Variants in GOLGA1 observed in about 807,000 individuals in gnomAD.
GOLGA1 encodes the protein golgin subfamily A member 1.
Under a neutral mutation model 119.7 loss-of-function variants are expected in GOLGA1, and 63 were observed. The observed-to-expected ratio is 0.53, with a 90% CI of 0.43 to 0.65. GOLGA1 has a LOEUF of 0.65. Ranked by LOEUF, GOLGA1 falls within the 30% of genes least tolerant of loss-of-function variation. The pLI is 0.00. For synonymous variants in GOLGA1, 318 were observed against 333.4 expected, an observed-to-expected ratio of 0.95 and a Z score of 0.50; for missense variants, 798 against 912.8, an observed-to-expected ratio of 0.87 and a Z score of 1.62.
Position 124,881,222 on chromosome 9 carries a change from C to T in GOLGA1, c.2172G>A (p.Leu724=), listed in dbSNP as rs149079881. The change falls in exon 22 of 23, where the codon CTG becomes CTA. Residue 724 remains leucine (L), a synonymous_variant. Coordinates refer to ENST00000373555, the MANE Select transcript of GOLGA1 (RefSeq NM_002077.4). The surrounding 1 kb of genome is among the most constrained non-coding windows in gnomAD (Gnocchi z 4.9). The part of the protein sequence containing the change: ...FHLIKAVSVL[L]NFSQEEENML... Reference sequence around the variant, plus strand: ...TGTTCTCCTCCTCTTGGGAAAAGTTCAGCAACACTGACACAGCTTTTATAA... The same window carrying T: ...TGTTCTCCTCCTCTTGGGAAAAGTTTAGCAACACTGACACAGCTTTTATAA... The T allele has an allele frequency of 1.2e-6, 2 of 1,605,560 alleles. No homozygotes were observed. Among genetic ancestry groups the T allele is most frequent in the South Asian group, 1.1e-5 (1 of 90,920 alleles).
At chr9:124,890,862 G>GAAGAAGTAAT (rs949803862) in intron 15 of GOLGA1, among the ~76,000 whole-genome samples, 12 of 152,142 alleles carry the variant, frequency 7.9e-5, no homozygotes, top group Admixed American at 5.2e-4. Flanking sequence ...ATGGAAAGAA[G>GAAGAAGTAAT]AAGAAGTAAT....
chr9:124,886,815 G>C (rs1001491033), intron 19 of GOLGA1, among the ~76,000 whole-genome samples: 5 of 152,092 alleles, frequency 3.3e-5, no homozygotes, highest in Non-Finnish European at 7.4e-5. Flanking sequence ...GGGTGGGTGA[G>C]GCAGGGTTGA....
At chr9:124,927,854 G>T (rs1830702838) in intron 6 of GOLGA1, among the ~76,000 whole-genome samples, 1 of 152,114 alleles carries the variant, frequency 6.6e-6, no homozygotes, top group South Asian at 2.1e-4. Context: ...AATGTTTGGG[G>T]GTTAGACTTT....
intron 22 of GOLGA1, 116 bp from the exon 23 acceptor site, chr9:124,880,726 T>A (rs555505188): frequency 2.9e-6 from 2 of 699,640 alleles, no homozygotes; most frequent in East Asian, 5.5e-5. Flanking sequence ...ACATCCTGCC[T>A]CTGGCTCTGA....
chr9:124,883,128 C>T (rs1312947179), intron 19 of GOLGA1, among the ~76,000 whole-genome samples: 1 of 151,072 alleles, frequency 6.6e-6, no homozygotes, highest in Non-Finnish European at 1.5e-5. Flanking sequence ...GAGATGGAGT[C>T]TCACTCTGTT....
chr9:124,900,321 A>T (rs1234499672), intron 13 of GOLGA1, 131 bp downstream of exon 13: 1 of 575,238 alleles, frequency 1.7e-6, no homozygotes, highest in East Asian at 3.1e-5. Context: ...GCTCACATCC[A>T]GCACAAGAAC....
chr9:124,934,553 A>C (rs920793551), intron 3 of GOLGA1, among the ~76,000 whole-genome samples: 5 of 152,234 alleles, frequency 3.3e-5, no homozygotes, highest in Admixed American at 1.3e-4. Flanking sequence ...TAGAAAGTGC[A>C]ATAAATTCAG....
rs375638415 is a variant in GOLGA1, at chr9:124,922,859, AAAAAC to A, written c.561+231_561+235del. 1.4e-3 allele frequency among the ~76,000 whole-genome samples: 216 copies of A among 152,222 alleles called. 1 individual carries two copies. The highest frequency in any genetic ancestry group is 4.6e-3 in the East Asian group (24 of 5,188). On this transcript the variant is annotated intron_variant, in intron 8 of 22. Transcript: ENST00000373555. ...AAGAGAATTTATATACCCAGTAGTTAAAAACAAAACAAAACAAAACAAAACAAAAC... is the reference window on the plus strand; with the variant it reads ...AAGAGAATTTATATACCCAGTAGTTAAAAACAAAACAAAACAAAACAAAAC...
rs1484202599 is a variant in GOLGA1, at chr9:124,878,390, A to G, written c.*2140T>C. The G allele has an allele frequency of 6.6e-6, 1 of 152,622 alleles. No homozygotes were observed. Among genetic ancestry groups the G allele is most frequent in the Non-Finnish European group, 1.5e-5 (1 of 68,046 alleles). The allele number at this position is 152,622 out of a possible 1,614,324, so 9.5% of individuals were successfully genotyped here. ...AGTTGCATCTGGATTGAAGAGCTTT[A>G]ATCAAAAAGTGTATTGCACCACAGA... On this transcript the variant is annotated 3_prime_UTR_variant, in exon 23 of 23. Coordinates refer to ENST00000373555, the MANE Select transcript of GOLGA1 (RefSeq NM_002077.4).
At chr9:124,943,765 T>TG (rs1238656289), upstream of GOLGA1, 1 of 152,208 alleles carries the variant, frequency 6.6e-6, no homozygotes, top group Non-Finnish European at 1.5e-5. Context: ...TTTGATTATC[T>TG]TAACCTTTAG....
chr9:124,914,137 T>C (rs1830391758), intron 10 of GOLGA1, among the ~76,000 whole-genome samples: 1 of 152,178 alleles, frequency 6.6e-6, no homozygotes, highest in African/African-American at 2.4e-5. Flanking sequence ...ATGTTAATAC[T>C]AGCAATAGTT....
At chr9:124,886,556 G>C (rs1829724563) in intron 19 of GOLGA1, among the ~76,000 whole-genome samples, 1 of 152,160 alleles carries the variant, frequency 6.6e-6, no homozygotes, top group South Asian at 2.1e-4. Context: ...GCAGATATAG[G>C]AAGTTTTAAC....
chr9:124,917,862 T>A (rs974698381), intron 10 of GOLGA1, among the ~76,000 whole-genome samples: 13 of 151,086 alleles, frequency 8.6e-5, no homozygotes, highest in Admixed American at 4.6e-4. Flanking sequence ...TATATATATT[T>A]TTTTTTTGAG....
At chr9:124,935,350 AGTTGT>A (rs1233064693) in intron 3 of GOLGA1, among the ~76,000 whole-genome samples, 1 of 152,240 alleles carries the variant, frequency 6.6e-6, no homozygotes, top group Non-Finnish European at 1.5e-5. Flanking sequence ...CATTAAACAA[AGTTGT>A]GTTAAGTATT....
chr9:124,881,214 G>T lies in GOLGA1; in HGVS notation c.2180C>A (p.Ser727Tyr). Reference sequence around the variant, plus strand: ...CTTGAGCATGTTCTCCTCCTCTTGGGAAAAGTTCAGCAACACTGACACAGC... The same window carrying T: ...CTTGAGCATGTTCTCCTCCTCTTGGTAAAAGTTCAGCAACACTGACACAGC... ...IKAVSVLLNF[S>Y]QEEENMLKET... Residue 727 changes from serine to tyrosine, a missense_variant, in exon 22 of 23, where the codon TCC (serine) becomes TAC (tyrosine). Ser to Tyr is a moderately radical substitution (Grantham distance 144). Coordinates refer to ENST00000373555, the MANE Select transcript of GOLGA1 (RefSeq NM_002077.4). The surrounding 1 kb of genome is among the most constrained non-coding windows in gnomAD (Gnocchi z 4.9). 6.2e-7 allele frequency: 1 copy of T among 1,605,204 alleles called. No individual in the cohort carries two copies. The highest frequency in any genetic ancestry group is 8.5e-7 in the Non-Finnish European group (1 of 1,171,794).
rs1005990590 is a variant in GOLGA1, at chr9:124,888,762, G to A, written c.1762-366C>T. On this transcript the variant is annotated intron_variant, in intron 18 of 22. Transcript: ENST00000373555. This position sits in a 1 kb window ranked among gnomAD's most constrained non-coding sequence, Gnocchi z 4.4. ...GTCACCCAGGCTGGAGTGCAGTGGC[G>A]CAATCTCGGCTCCACCAAGCTCCGC... Among the ~76,000 whole-genome samples the A allele has an allele frequency of 3.9e-5, 6 of 152,098 alleles. No individual in the cohort carries two copies. The highest frequency in any genetic ancestry group is 7.4e-5 in the Non-Finnish European group (5 of 68,006).
chr9:124,892,733 GA>G (rs1289272257), intron 15 of GOLGA1, among the ~76,000 whole-genome samples: 1 of 152,054 alleles, frequency 6.6e-6, no homozygotes, highest in African/African-American at 2.4e-5. Flanking sequence ...GAGAGTTCGA[GA>G]CCAGCCTGAC....
intron 7 of GOLGA1, 51 bp from the exon 8 acceptor site, chr9:124,923,274 T>A: frequency 6.9e-7 from 1 of 1,445,074 alleles, no homozygotes; most frequent in Non-Finnish European, 9.5e-7. Flanking sequence ...ATTAGAAATC[T>A]GTATTACGAA....
intron 10 of GOLGA1, among the ~76,000 whole-genome samples, chr9:124,920,289 T>A (rs1830540554): frequency 7.0e-6 from 1 of 143,534 alleles, no homozygotes; most frequent in African/African-American, 2.5e-5. Flanking sequence ...CTGGCTAATT[T>A]TTTTTTTTTT....
Sources: gnomAD v4.1 joint callset for allele counts (sites outside exome capture counted in the v4.1 genomes callset) on GRCh38, gnomAD v4.1.1 for gene constraint, Gnocchi (gnomAD v3.1) non-coding constraint, MANE v1.5 for transcripts, NCBI Gene and HGNC (gene_info 2026-07-23, HGNC 2026-07-21) for gene names.